Variants in CCDC171 observed in about 807,000 individuals in gnomAD.
CCDC171 encodes the protein coiled-coil domain containing 171.
A neutral mutation model predicts 168.2 loss-of-function variants in CCDC171; 177 were observed. That is an observed-to-expected ratio of 1.05 (90% CI 0.93 to 1.19). The LOEUF (loss-of-function observed/expected upper bound fraction) is 1.19. Ranked by LOEUF, CCDC171 falls within the 50% of genes most tolerant of loss-of-function variation. CCDC171 has a pLI of 0.00. For synonymous variants in CCDC171, 687 were observed against 540.8 expected, an observed-to-expected ratio of 1.27 and a Z score of -3.75; for missense variants, 1,991 against 1,539.0, an observed-to-expected ratio of 1.29 and a Z score of -4.91.
At chr9:15,646,591 G>A (rs2047059980) in intron 7 of CCDC171, among the ~76,000 whole-genome samples, 1 of 151,648 alleles carries the variant, frequency 6.6e-6, no homozygotes, top group African/African-American at 2.4e-5. Context: ...AAAAAGTGGG[G>A]GTTGTAATCT....
Position 15,588,052 on chromosome 9 carries a change from T to A in CCDC171, c.353-3314T>A, listed in dbSNP as rs148457859. Reference sequence around the variant, plus strand: ...AAGTTCAAGACCAGCCTGACTGATATGGTGAAACCCTGTCTCTACTAAAAA... The same window carrying A: ...AAGTTCAAGACCAGCCTGACTGATAAGGTGAAACCCTGTCTCTACTAAAAA... On this transcript the variant is annotated intron_variant, in intron 4 of 25. Transcript: ENST00000380701. Among the ~76,000 whole-genome samples, 27 of 152,082 alleles carry A rather than the reference T, an allele frequency of 1.8e-4. No individual in the cohort carries two copies. The East Asian group carries it at 5.2e-3, about 29-fold the overall frequency.
chr9:16,093,626 C>T, the CCDC171 span, among the ~76,000 whole-genome samples: 1 of 152,132 alleles, frequency 6.6e-6, no homozygotes, highest in Admixed American at 6.5e-5. Context: ...TGATGTTGCC[C>T]ACTGTTTCCC....
rs987252397 is a variant in CCDC171, at chr9:15,596,940, C to T, written c.675+2768C>T. Among the ~76,000 whole-genome samples the T allele has an allele frequency of 6.8e-3, 1,041 of 152,022 alleles. 10 individuals are homozygous for T. The highest frequency in any genetic ancestry group is 0.024 in the African/African-American group (1,014 of 41,464). ...TGAGAGTTCACTGATGATTTGGCTC[C>T]CTGTTTGTCTGTTATTGGTGTATAA... On this transcript the variant is annotated intron_variant, in intron 6 of 25. Coordinates refer to ENST00000380701, the MANE Select transcript of CCDC171 (RefSeq NM_173550.4).
chr9:15,602,227 TAAAA>T (rs908069523), intron 6 of CCDC171, among the ~76,000 whole-genome samples: 2 of 149,842 alleles, frequency 1.3e-5, no homozygotes, highest in African/African-American at 4.8e-5. Flanking sequence ...GACTTTATGT[TAAAA>T]AAAGTTTTTT....
the CCDC171 span, among the ~76,000 whole-genome samples, chr9:16,068,747 C>T: frequency 6.6e-6 from 1 of 152,132 alleles, no homozygotes; most frequent in Non-Finnish European, 1.5e-5. Flanking sequence ...CAACAGAAAC[C>T]TGGGGTCATA....
rs534267516 is a variant in CCDC171 at position 15,821,496 on chromosome 9, A to G, written c.3268-25206A>G. ...TAAGCAACTTCAGCAAAGTCTCAGG[A>G]TACAAAATCAATGTGCAAAAGTCAC... is the stretch of plus-strand genomic sequence containing the variant. On this transcript the variant is annotated intron_variant, in intron 21 of 25. Coordinates refer to ENST00000380701, the MANE Select transcript of CCDC171 (RefSeq NM_173550.4). Among the ~76,000 whole-genome samples, 214 of 118,118 alleles carry G rather than the reference A, an allele frequency of 1.8e-3. 65 individuals carry two copies. The highest frequency in any genetic ancestry group is 5.3e-3 in the South Asian group (19 of 3,612). The allele number at this position is 118,118 out of a possible 152,430, so 77.5% of individuals were successfully genotyped here.
chr9:15,906,938 A>G (rs1333154455), intron 24 of CCDC171, among the ~76,000 whole-genome samples: 1 of 151,096 alleles, frequency 6.6e-6, no homozygotes, highest in African/African-American at 2.4e-5. Context: ...TTCAAAGAGA[A>G]TAAAATACCT....
At chr9:15,690,162 G>C (rs1336498537) in intron 10 of CCDC171, among the ~76,000 whole-genome samples, 3 of 152,178 alleles carry the variant, frequency 2.0e-5, no homozygotes, top group African/African-American at 7.2e-5. Context: ...ACATCTTTTA[G>C]TAGGGACAAC....
intron 23 of CCDC171, among the ~76,000 whole-genome samples, chr9:15,871,835 G>T (rs2062051144): frequency 6.6e-6 from 1 of 151,334 alleles, no homozygotes; most frequent in Non-Finnish European, 1.5e-5. Context: ...CTTCTCCTTT[G>T]CTGCATGATT....
At chr9:16,028,191 G>A (rs181266414) in intron 6 of CCDC171, among the ~76,000 whole-genome samples, 2 of 152,270 alleles carry the variant, frequency 1.3e-5, no homozygotes, top group Non-Finnish European at 2.9e-5. Context: ...GCAAATGCAC[G>A]TCCTGATACC....
In CCDC171 at chr9:15,744,625, T is replaced by A. The variant is rs1477990794; in HGVS notation, c.2402T>A (p.Phe801Tyr). ...KKTFKGLIRIFRKGVIAVLAA... is the reference protein window; with the variant it reads ...KKTFKGLIRIYRKGVIAVLAA... ...ACATTCAAAGGATTGATACGTATAT[T>A]TCGGAAAGGTGTTATTGCTGTTTTG... The change falls in exon 17 of 26, where the codon TTT becomes TAT. Residue 801 changes from phenylalanine (F) to tyrosine (Y), a missense_variant. Physicochemically the swap from Phe to Tyr is conservative, Grantham distance 22. Coordinates refer to ENST00000380701, the MANE Select transcript of CCDC171 (RefSeq NM_173550.4). 1.2e-6 allele frequency: 2 copies of A among 1,614,122 alleles called. No individual in the cohort carries two copies. The highest frequency in any genetic ancestry group is 3.3e-5 in the Admixed American group (2 of 59,998).
chr9:15,885,113 C>T (rs1231090795), intron 24 of CCDC171, among the ~76,000 whole-genome samples: 4 of 152,252 alleles, frequency 2.6e-5, no homozygotes, highest in Admixed American at 2.6e-4. Context: ...AACATTTTGT[C>T]ACCTTTTCAT....
At chr9:16,064,588 C>G (rs1833971931), downstream of CCDC171, among the ~76,000 whole-genome samples, 1 of 152,180 alleles carries the variant, frequency 6.6e-6, no homozygotes, top group African/African-American at 2.4e-5. Flanking sequence ...TGAGCTGTCA[C>G]TTGTCATCAC....
At chr9:15,577,063 A>G (rs1444740655) in intron 3 of CCDC171, among the ~76,000 whole-genome samples, 2 of 152,172 alleles carry the variant, frequency 1.3e-5, no homozygotes, top group East Asian at 1.9e-4. Flanking sequence ...TCCTCATCCT[A>G]TGTTCTTCCT....
chr9:15,633,645 AC>A (rs1234035666), intron 7 of CCDC171, among the ~76,000 whole-genome samples: 1 of 152,188 alleles, frequency 6.6e-6, no homozygotes, highest in Non-Finnish European at 1.5e-5. Flanking sequence ...TACTAGAAAT[AC>A]CATTTGACCC....
At chr9:15,730,214 G>T (rs1304054423) in intron 16 of CCDC171, among the ~76,000 whole-genome samples, 1 of 149,450 alleles carries the variant, frequency 6.7e-6, no homozygotes, top group African/African-American at 2.5e-5. Flanking sequence ...TTTATTTGGG[G>T]TTAAAATCTC....
chr9:15,662,542 C>G (rs1427390244), intron 8 of CCDC171, among the ~76,000 whole-genome samples: 2 of 152,114 alleles, frequency 1.3e-5, no homozygotes, highest in African/African-American at 4.8e-5. Context: ...GAAGCATATA[C>G]CATATTATTT....
the CCDC171 span, among the ~76,000 whole-genome samples, chr9:16,077,459 G>C: frequency 3.3e-5 from 5 of 152,150 alleles, no homozygotes; most frequent in Admixed American, 3.3e-4. Context: ...CTTTAGGCTT[G>C]GCCAAGCGAA....
rs184441793 is a variant in CCDC171, at chr9:15,694,849, A to C, written c.1216-386A>C. 4.9e-3 allele frequency among the ~76,000 whole-genome samples: 750 copies of C among 152,294 alleles called. 6 individuals carry two copies. The highest frequency in any genetic ancestry group is 5.9e-3 in the Non-Finnish European group (400 of 68,030). On this transcript the variant is annotated intron_variant, in intron 10 of 25. Transcript: ENST00000380701. ...TTGGTCTTAACTGTCTTCACTTTTGACTGCCATCTGGCAACTTGCCATATG... is the reference window on the plus strand; with the variant it reads ...TTGGTCTTAACTGTCTTCACTTTTGCCTGCCATCTGGCAACTTGCCATATG...
Sources: allele counts gnomAD v4.1 joint callset (sites outside exome capture counted in the v4.1 genomes callset), GRCh38; gene constraint gnomAD v4.1.1; transcripts MANE v1.5; gene names NCBI Gene and HGNC (gene_info 2026-07-23, HGNC 2026-07-21).